GGT1: variants seen among roughly 807,000 people sequenced by gnomAD.
GGT1 encodes the protein gamma-glutamyltransferase 1.
A neutral mutation model predicts 56.0 loss-of-function variants in GGT1; 21 were observed. The ratio of observed to expected loss-of-function variants is 0.38; its 90% CI spans 0.27 to 0.54. The LOEUF (loss-of-function observed/expected upper bound fraction) is 0.54. Among genes scored for constraint, GGT1 ranks in the 20% least tolerant of loss-of-function variants. The pLI is 0.82. For missense variants in GGT1, 466 were observed against 787.0 expected (o/e 0.59, Z 4.88); for synonymous variants, 238 against 342.6 (o/e 0.69, Z 3.37).
intron 1 of GGT1, among the ~76,000 whole-genome samples, chr22:24,595,740 C>T (rs777754877): frequency 6.6e-6 from 1 of 152,204 alleles, no homozygotes; most frequent in Non-Finnish European, 1.5e-5. Flanking sequence ...GCCACCCATG[C>T]GGTGGCCTAG....
At chr22:24,588,632 CTAT>C in the GGT1 span, 5 of 1,104,454 alleles carry the variant, frequency 4.5e-6, no homozygotes, top group Non-Finnish European at 5.7e-6. Flanking sequence ...GCGTCTCGGG[CTAT>C]CAGCCGGCTG....
At chr22:24,591,502 C>T (rs2045566704), upstream of GGT1, among the ~76,000 whole-genome samples, 1 of 152,210 alleles carries the variant, frequency 6.6e-6, no homozygotes, top group Admixed American at 6.5e-5. Context: ...GGGTCCCAAG[C>T]ACAGGAAGTT....
the GGT1 span, chr22:24,588,376 C>T: frequency 3.5e-6 from 5 of 1,443,112 alleles, no homozygotes; most frequent in Non-Finnish European, 4.8e-6. Context: ...CCCTCCTGCC[C>T]ACCTCAGGGC....
intron 1 of GGT1, among the ~76,000 whole-genome samples, chr22:24,604,793 G>T (rs1209066038): frequency 2.0e-5 from 3 of 150,640 alleles, no homozygotes. Context: ...TCATTCTGTA[G>T]GCCCTACCTC....
the GGT1 span, chr22:24,585,824 G>A: frequency 6.3e-6 from 9 of 1,431,712 alleles, no homozygotes; most frequent in African/African-American, 5.7e-5. Flanking sequence ...GACCTTCATC[G>A]CCCACTATCA....
chr22:24,595,386 G>T (rs1323512742), intron 1 of GGT1, among the ~76,000 whole-genome samples: 1 of 152,208 alleles, frequency 6.6e-6, no homozygotes, highest in Non-Finnish European at 1.5e-5. Context: ...ATTCCACCTC[G>T]CTAGCCCACA....
chr22:24,610,452 C>G lies in GGT1; in HGVS notation c.-87C>G, dbSNP rs1380136699. 1 of 167,332 alleles carries G rather than the reference C, an allele frequency of 6.0e-6. No homozygotes were observed. Among genetic ancestry groups the G allele is most frequent in the Non-Finnish European group, 1.3e-5 (1 of 77,250 alleles). The allele number at this position is 167,332 out of a possible 1,614,324, so 10.4% of individuals were successfully genotyped here. The stretch of plus-strand genomic sequence containing the variant: ...GTGAGGGAGACCCCGGTTATTTCCT[C>G]AGCTATTTCCACCAAATCCTCCTGT... On this transcript the variant is annotated 5_prime_UTR_variant, in exon 4 of 16. Coordinates refer to ENST00000400382, the MANE Select transcript of GGT1 (RefSeq NM_001288833.2).
chr22:24,628,566 C>G lies in GGT1; in HGVS notation c.1564-127C>G, dbSNP rs1227340269. On this transcript the variant is annotated intron_variant, in intron 15 of 15. Transcript: ENST00000400382. This position sits in a 1 kb window ranked among gnomAD's most constrained non-coding sequence, Gnocchi z 5.7. ...CTGCTCCAGTGAGACCCAGCAGGCCCCAACCTGCTCTTCCTGATGACCTGG... is the reference window on the plus strand; with the variant it reads ...CTGCTCCAGTGAGACCCAGCAGGCCGCAACCTGCTCTTCCTGATGACCTGG... 1 of 1,002,430 alleles carries G rather than the reference C, an allele frequency of 1.0e-6. No individual in the cohort carries two copies. Among genetic ancestry groups the G allele is most frequent in the Non-Finnish European group, 1.5e-6 (1 of 676,074 alleles). The allele number at this position is 1,002,430 out of a possible 1,614,324, so 62.1% of individuals were successfully genotyped here.
At chr22:24,615,451 G>A (rs1453775878) in intron 7 of GGT1, among the ~76,000 whole-genome samples, 1 of 152,220 alleles carries the variant, frequency 6.6e-6, no homozygotes, top group Non-Finnish European at 1.5e-5. Context: ...TCACCCATGA[G>A]CCTCTCACAA....
In GGT1 at chr22:24,611,204, T is replaced by C. The variant is rs2046631229; in HGVS notation, c.123T>C (p.Ala41=). 1.3e-6 allele frequency: 2 copies of C among 1,581,800 alleles called. No homozygotes were observed. Among genetic ancestry groups the C allele is most frequent in the Non-Finnish European group, 1.7e-6 (2 of 1,164,160 alleles). The stretch of plus-strand genomic sequence containing the variant: ...CTGACAACCATGTGTACACCAGGGC[T>C]GCCGTGGCCGCGGATGCCAAGCAGT... ...KEPDNHVYTR[A]AVAADAKQCS... is the part of the protein sequence containing the mutation. The change falls in exon 5 of 16, where the codon GCT becomes GCC. Residue 41 remains alanine, a synonymous_variant. Coordinates refer to ENST00000400382, the MANE Select transcript of GGT1 (RefSeq NM_001288833.2).
upstream of GGT1, among the ~76,000 whole-genome samples, chr22:24,601,580 G>A (rs572700875): frequency 4.0e-4 from 61 of 152,344 alleles, no homozygotes; most frequent in African/African-American, 1.3e-3. Context: ...ATCCCAGCCC[G>A]TTGAAACAGA....
At chr22:24,625,353 A>C (rs535090338) in intron 11 of GGT1, among the ~76,000 whole-genome samples, 4 of 152,280 alleles carry the variant, frequency 2.6e-5, no homozygotes, top group African/African-American at 9.6e-5. Flanking sequence ...GGCTCACTGC[A>C]GCCTCAACCT....
chr22:24,593,175 C>A (rs2045626308), upstream of GGT1: 2 of 908,044 alleles, frequency 2.2e-6, no homozygotes, highest in South Asian at 1.0e-4. Context: ...GCGCCCGCCC[C>A]ACCCCGCGCC....
chr22:24,614,795 G>A lies in GGT1; in HGVS notation c.184G>A (p.Gly62Ser). 1 of 1,613,680 alleles carries A rather than the reference G, an allele frequency of 6.2e-7. No individual in the cohort carries two copies. Among genetic ancestry groups the A allele is most frequent in the Non-Finnish European group, 8.5e-7 (1 of 1,179,798 alleles). The change falls in exon 6 of 16, where the codon GGC (glycine) becomes AGC (serine). Residue 62 changes from glycine (G) to serine (S), a missense_variant. This residue lies in a region of GGT1 where 456 missense variants were observed against 716.7 expected (regional missense o/e 0.64). Transcript: ENST00000400382. ...TGGCAGGGATGCACTGCGGGACGGT[G>A]GCTCTGCGGTGGATGCAGCCATTGC... ...KIGRDALRDG[G>S]SAVDAAIAAL...
Position 24,620,124 on chromosome 22 carries a change from G to A in GGT1, c.383-204G>A, listed in dbSNP as rs1193555631. On this transcript the variant is annotated intron_variant, in intron 7 of 15. Coordinates refer to ENST00000400382, the MANE Select transcript of GGT1 (RefSeq NM_001288833.2). This position sits in a 1 kb window ranked among gnomAD's most constrained non-coding sequence, Gnocchi z 5.6. ...TCAGCGACTCAGGAGGCTGAGGTGGGAGGATCGCTTGAATCCAGGAGTTCG... is the reference window on the plus strand; with the variant it reads ...TCAGCGACTCAGGAGGCTGAGGTGGAAGGATCGCTTGAATCCAGGAGTTCG... Among the ~76,000 whole-genome samples the A allele has an allele frequency of 2.6e-5, 4 of 152,126 alleles. No homozygotes were observed. Among genetic ancestry groups the A allele is most frequent in the African/African-American group, 9.7e-5 (4 of 41,438 alleles).
chr22:24,597,358 G>A (rs540071930), intron 1 of GGT1, among the ~76,000 whole-genome samples: 2 of 152,238 alleles, frequency 1.3e-5, no homozygotes, highest in Non-Finnish European at 1.5e-5. Flanking sequence ...AAATAAGGTC[G>A]TGTGAGGAAA....
intron 7 of GGT1, among the ~76,000 whole-genome samples, chr22:24,617,185 C>T (rs1322246258): frequency 3.3e-5 from 5 of 152,128 alleles, no homozygotes; most frequent in Non-Finnish European, 7.4e-5. Context: ...GACATCTGAG[C>T]AAAGACCCAG....
chr22:24,628,108 C>A lies in GGT1; in HGVS notation c.1364C>A (p.Pro455Gln). Residue 455 changes from proline (P) to glutamine (Q), a missense_variant, in exon 14 of 16, where the codon CCG (proline) becomes CAG (glutamine). Physicochemically the swap from Pro to Gln is moderately conservative, Grantham distance 76. Coordinates refer to ENST00000400382, the MANE Select transcript of GGT1 (RefSeq NM_001288833.2). The surrounding 1 kb of genome is among the most constrained non-coding windows in gnomAD (Gnocchi z 5.7). ...PGKQPLSSMC[P>Q]TIMVGQDGQV... The stretch of plus-strand genomic sequence containing the variant: ...AAGCAGCCGCTCTCGTCCATGTGCC[C>A]GACGATCATGGTGGGCCAGGACGGC... The A allele has an allele frequency of 6.2e-7, 1 of 1,611,884 alleles. No individual in the cohort carries two copies. Among genetic ancestry groups the A allele is most frequent in the Non-Finnish European group, 8.5e-7 (1 of 1,179,846 alleles).
rs1408583175 is a variant in GGT1, at chr22:24,621,090, G to C, written c.733+20G>C. 1 of 1,558,570 alleles carries C rather than the reference G, an allele frequency of 6.4e-7. No individual in the cohort carries two copies. Among genetic ancestry groups the C allele is most frequent in the Non-Finnish European group, 8.7e-7 (1 of 1,151,136 alleles). On this transcript the variant is annotated intron_variant, in intron 9 of 15. Coordinates refer to ENST00000400382, the MANE Select transcript of GGT1 (RefSeq NM_001288833.2). Reference sequence around the variant, plus strand: ...CGGCCGGTGAGTGGGTAACCTCAGGGGCCTGGGTGAGGAACTCTGCAGTGG... The same window carrying C: ...CGGCCGGTGAGTGGGTAACCTCAGGCGCCTGGGTGAGGAACTCTGCAGTGG...
Sources: gnomAD v4.1 joint callset for allele counts (sites outside exome capture counted in the v4.1 genomes callset) on GRCh38, gnomAD v4.1.1 for gene constraint, gnomAD v4.1.1 regional missense constraint, Gnocchi (gnomAD v3.1) non-coding constraint, MANE v1.5 for transcripts, NCBI Gene and HGNC (gene_info 2026-07-23, HGNC 2026-07-21) for gene names.